Variants in TMEM232 observed in about 807,000 individuals in gnomAD.
TMEM232 encodes transmembrane protein 232.
In TMEM232, 80 loss-of-function variants were observed where a neutral mutation model predicts 78.8. The observed-to-expected ratio is 1.01, with a 90% confidence interval of 0.85 to 1.22. The LOEUF is 1.22. Ranked by LOEUF, TMEM232 falls within the 50% of genes most tolerant of loss-of-function variation. The probability of loss-of-function intolerance (pLI) is 0.00; values close to 1 mark genes in which losing one functional copy is unlikely to be tolerated. For missense variants in TMEM232, 881 were observed against 742.2 expected, an observed-to-expected ratio of 1.19 and a Z score of -2.17; for synonymous variants, 297 against 254.3, an observed-to-expected ratio of 1.17 and a Z score of -1.60.
chr5:110,684,533 A>G (rs1037778104), intron 1 of TMEM232, among the ~76,000 whole-genome samples: 6 of 152,146 alleles, frequency 3.9e-5, no homozygotes, highest in African/African-American at 1.4e-4. Context: ...TGGAGAAATG[A>G]AAAGCTATTT....
rs1350867500 is a variant in TMEM232, at chr5:110,712,942, A to C, written c.-13+13685T>G. Among the ~76,000 whole-genome samples the C allele has an allele frequency of 8.5e-5, 13 of 152,334 alleles. 2 individuals are homozygous for C. The highest frequency in any genetic ancestry group is 5.8e-4 in the East Asian group (3 of 5,194). ...CCAAAGAAGGGAAATTAGTATATCA[A>C]AAAGATATCTGCACTCTCATGTTTG... On this transcript the variant is annotated intron_variant, in intron 1 of 13. Transcript: ENST00000455884.
intron 12 of TMEM232, among the ~76,000 whole-genome samples, chr5:110,489,191 G>A (rs773813180): frequency 3.4e-4 from 51 of 151,436 alleles, no homozygotes; most frequent in Middle Eastern, 3.4e-3. Context: ...AGTATTTTCC[G>A]GATACCAAAG....
At chr5:110,691,145 GA>G (rs113172226) in intron 1 of TMEM232, among the ~76,000 whole-genome samples, 10 of 139,152 alleles carry the variant, frequency 7.2e-5, no homozygotes, top group East Asian at 2.1e-4. Context: ...AAAGTATAAG[GA>G]AAAAAAAAAA....
At chr5:110,493,179 A>C (rs937205408) in intron 12 of TMEM232, among the ~76,000 whole-genome samples, 1 of 151,986 alleles carries the variant, frequency 6.6e-6, no homozygotes, top group African/African-American at 2.4e-5. Context: ...TTTTTAAAAA[A>C]TTTATTTTGA....
intron 11 of TMEM232, among the ~76,000 whole-genome samples, chr5:110,554,460 A>T (rs1774837276): frequency 6.6e-6 from 1 of 152,120 alleles, no homozygotes; most frequent in African/African-American, 2.4e-5. Context: ...TTTTAGATAC[A>T]TATATATGTA....
At chr5:110,587,547 ACC>A (rs1778959770) in intron 10 of TMEM232, among the ~76,000 whole-genome samples, 3 of 150,804 alleles carry the variant, frequency 2.0e-5, no homozygotes, top group Non-Finnish European at 4.5e-5. Flanking sequence ...TTGCCAACAC[ACC>A]AGCCATACCT....
intron 5 of TMEM232, among the ~76,000 whole-genome samples, chr5:110,628,137 CT>C (rs1784645961): frequency 6.6e-6 from 1 of 151,988 alleles, no homozygotes; most frequent in Admixed American, 6.6e-5. Context: ...GTTCTATGCC[CT>C]TTAGAACAGT....
chr5:110,626,317 T>G (rs1784419373), intron 6 of TMEM232, among the ~76,000 whole-genome samples: 1 of 152,062 alleles, frequency 6.6e-6, no homozygotes, highest in Non-Finnish European at 1.5e-5. Flanking sequence ...TGCTGAACAC[T>G]GTGAGGAGTT....
intron 1 of TMEM232, among the ~76,000 whole-genome samples, chr5:110,694,410 G>C (rs11241073): frequency 6.6e-6 from 1 of 151,880 alleles, no homozygotes; most frequent in Non-Finnish European, 1.5e-5. Flanking sequence ...CGAGCAAAAT[G>C]ACCAGCTAAC....
At chr5:110,710,331 A>C (rs1348342274) in intron 1 of TMEM232, among the ~76,000 whole-genome samples, 1 of 152,146 alleles carries the variant, frequency 6.6e-6, no homozygotes, top group African/African-American at 2.4e-5. Context: ...TTAAAGAAGA[A>C]TACCACTGTA....
intron 12 of TMEM232, among the ~76,000 whole-genome samples, chr5:110,460,957 TC>T (rs1222931410): frequency 6.6e-6 from 1 of 152,068 alleles, no homozygotes; most frequent in Non-Finnish European, 1.5e-5. Flanking sequence ...GACCAGTTTT[TC>T]CCCCATCTCT....
At chr5:110,389,913 T>C (rs572782147) in intron 4 of TMEM232, among the ~76,000 whole-genome samples, 1 of 152,292 alleles carries the variant, frequency 6.6e-6, no homozygotes, top group East Asian at 1.9e-4. Flanking sequence ...GCCTATATCA[T>C]GTGCAGAATA....
chr5:110,694,863 A>T (rs1794581059), intron 1 of TMEM232, among the ~76,000 whole-genome samples: 1 of 152,192 alleles, frequency 6.6e-6, no homozygotes. Context: ...GGAGACTTTA[A>T]CACCCCACTG....
intron 13 of TMEM232, among the ~76,000 whole-genome samples, chr5:110,423,481 A>G (rs1297025291): frequency 6.6e-6 from 1 of 152,224 alleles, no homozygotes; most frequent in Non-Finnish European, 1.5e-5. Flanking sequence ...ATATTTAGAG[A>G]CAATTCAATA....
At chr5:110,471,830 C>T (rs1165746066) in intron 12 of TMEM232, among the ~76,000 whole-genome samples, 1 of 151,936 alleles carries the variant, frequency 6.6e-6, no homozygotes, top group East Asian at 1.9e-4. Flanking sequence ...AACAAACCAA[C>T]AAACTTTAAG....
At chr5:110,496,264 C>A (rs1363920103) in intron 12 of TMEM232, among the ~76,000 whole-genome samples, 2 of 151,838 alleles carry the variant, frequency 1.3e-5, no homozygotes, top group Admixed American at 1.3e-4. Context: ...TTAAAATGAT[C>A]GTTAATGCAG....
At chr5:110,441,617 C>G (rs977614189) in intron 12 of TMEM232, among the ~76,000 whole-genome samples, 3 of 152,060 alleles carry the variant, frequency 2.0e-5, no homozygotes. Context: ...GATGATATAG[C>G]GTTTCTATAA....
chr5:110,639,579 C>T (rs1224703575), intron 4 of TMEM232, among the ~76,000 whole-genome samples: 2 of 152,046 alleles, frequency 1.3e-5, no homozygotes, highest in Non-Finnish European at 2.9e-5. Flanking sequence ...TAGACAGGAA[C>T]AAGGAAGAGT....
At chr5:110,583,534 G>A (rs953781729) in intron 10 of TMEM232, among the ~76,000 whole-genome samples, 2 of 151,760 alleles carry the variant, frequency 1.3e-5, no homozygotes, top group Non-Finnish European at 2.9e-5. Context: ...AAAACTCATA[G>A]AAGAAAATAT....
Sources: gnomAD v4.1 joint callset for allele counts (sites outside exome capture counted in the v4.1 genomes callset) on GRCh38, gnomAD v4.1.1 for gene constraint, MANE v1.5 for transcripts, NCBI Gene and HGNC (gene_info 2026-07-23, HGNC 2026-07-21) for gene names.